The following PI4K2B variants were observed in gnomAD, a reference collection of about 807,000 sequenced individuals.
PI4K2B encodes phosphatidylinositol 4-kinase type 2 beta.
Under a neutral mutation model 56.6 loss-of-function variants are expected in PI4K2B, and 46 were observed. The ratio of observed to expected loss-of-function variants is 0.81; its 90% CI spans 0.64 to 1.04. PI4K2B has a LOEUF of 1.04. Among genes scored for constraint, PI4K2B ranks in the 50% least tolerant of loss-of-function variants. The pLI, the probability that PI4K2B is intolerant of heterozygous loss-of-function variation, is 0.00. For missense variants in PI4K2B, 556 were observed against 607.7 expected (o/e 0.91, Z 0.89); for synonymous variants, 211 against 223.8 (o/e 0.94, Z 0.51).
intron 1 of PI4K2B, among the ~76,000 whole-genome samples, chr4:25,236,420 G>A (rs902770794): frequency 2.0e-5 from 3 of 151,632 alleles, no homozygotes; most frequent in Non-Finnish European, 4.4e-5. Flanking sequence ...GCATGGTGGC[G>A]GGCGCCTGCA....
intron 1 of PI4K2B, among the ~76,000 whole-genome samples, chr4:25,239,014 A>G (rs1715395642): frequency 6.6e-6 from 1 of 152,144 alleles, no homozygotes; most frequent in East Asian, 1.9e-4. Context: ...GCTAGACACA[A>G]AAGTTCTCCA....
At position 25,234,206 on chromosome 4, in the gene PI4K2B, G is replaced by A; in HGVS notation, c.43G>A (p.Gly15Ser). 7.1e-7 allele frequency: 1 copy of A among 1,406,840 alleles called. No individual in the cohort carries two copies. Among genetic ancestry groups the A allele is most frequent in the Non-Finnish European group, 9.3e-7 (1 of 1,079,678 alleles). The allele number at this position is 1,406,840 out of a possible 1,614,324, so 87.1% of individuals were successfully genotyped here. The change falls in exon 1 of 10, where the codon GGC becomes AGC. Residue 15 changes from glycine to serine, a missense_variant. By Grantham distance (56) the Gly-to-Ser change is moderately conservative. Transcript: ENST00000264864. ...SEPDRLASADGGSPEEEEDGE... is the reference protein window; with the variant it reads ...SEPDRLASADSGSPEEEEDGE... The stretch of plus-strand genomic sequence containing the variant: ...GCCCGACCGGTTGGCGTCCGCGGAC[G>A]GCGGGAGCCCGGAGGAGGAGGAGGA...
chr4:25,272,862 C>A (rs1331676512), intron 9 of PI4K2B, among the ~76,000 whole-genome samples: 3 of 148,604 alleles, frequency 2.0e-5, no homozygotes, highest in African/African-American at 7.5e-5. Context: ...GACCTTGTCT[C>A]TAAAAAAAAA....
intron 1 of PI4K2B, among the ~76,000 whole-genome samples, chr4:25,242,025 G>C (rs560764145): frequency 6.6e-6 from 1 of 152,148 alleles, no homozygotes; most frequent in East Asian, 1.9e-4. Context: ...AGCAAAAGCC[G>C]GTAATTCCAA....
chr4:25,244,181 T>A (rs888720641), intron 1 of PI4K2B, among the ~76,000 whole-genome samples: 2 of 152,152 alleles, frequency 1.3e-5, no homozygotes, highest in East Asian at 3.8e-4. Context: ...TGTACCCAGG[T>A]TGGGCCAAAT....
At chr4:25,246,724 G>T (rs966023364) in intron 1 of PI4K2B, among the ~76,000 whole-genome samples, 2 of 152,250 alleles carry the variant, frequency 1.3e-5, no homozygotes, top group African/African-American at 4.8e-5. Flanking sequence ...ACGGCGGCGG[G>T]GGGAGGCTCA....
intron 2 of PI4K2B, 142 bp from the exon 3 acceptor site, chr4:25,254,923 T>A: frequency 1.6e-6 from 1 of 618,642 alleles, no homozygotes; most frequent in South Asian, 2.0e-5. Flanking sequence ...TAGTTGAGGT[T>A]TATAAATCCT....
At position 25,259,718 on chromosome 4, in the gene PI4K2B, A is replaced by C. The variant is rs1175328289; in HGVS notation, c.910+528A>C. The stretch of plus-strand genomic sequence containing the variant: ...GATGAGCTTAAAAAAAAAAAGTATA[A>C]AAAAAAAATCTCATAATGTTTCAAG... On this transcript the variant is annotated intron_variant, in intron 5 of 9. Coordinates refer to ENST00000264864, the MANE Select transcript of PI4K2B (RefSeq NM_018323.4). Among the ~76,000 whole-genome samples the C allele has an allele frequency of 2.8e-4, 43 of 151,466 alleles. 1 individual carries two copies. The highest frequency in any genetic ancestry group is 5.9e-5 in the Non-Finnish European group (4 of 67,830).
At chr4:25,268,249 T>C (rs2109023211) in intron 7 of PI4K2B, among the ~76,000 whole-genome samples, 194 bp from the exon 8 acceptor site, 1 of 152,318 alleles carries the variant, frequency 6.6e-6, no homozygotes, top group East Asian at 1.9e-4. Context: ...CTCAGAGACA[T>C]TACTAGTTTA....
At position 25,259,044 on chromosome 4, in the gene PI4K2B, C is replaced by T; in HGVS notation, c.764C>T (p.Ser255Phe). 1 of 1,529,302 alleles carries T rather than the reference C, an allele frequency of 6.5e-7. No individual in the cohort carries two copies. The allele number at this position is 1,529,302 out of a possible 1,614,324, so 94.7% of individuals were successfully genotyped here. A position where few individuals can be genotyped will look rare whatever the true frequency, so the allele number is the denominator to read the frequency against. Residue 255 changes from serine (S) to phenylalanine (F), a missense_variant, in exon 5 of 10, where the codon TCC becomes TTC. Transcript: ENST00000264864. ...HRIGLPPKIGSFQLFVEGYKE... is the reference protein window; with the variant it reads ...HRIGLPPKIGFFQLFVEGYKE... ...TAGTTCTTAAAATTATAGATTGGTT[C>T]CTTTCAGTTATTTGTTGAAGGTTAC...
At chr4:25,247,062 C>G (rs1036112127) in intron 1 of PI4K2B, among the ~76,000 whole-genome samples, 1 of 152,266 alleles carries the variant, frequency 6.6e-6, no homozygotes. Context: ...AAGGGGCTCC[C>G]CCAGTGCAGT....
intron 1 of PI4K2B, among the ~76,000 whole-genome samples, chr4:25,240,671 G>T (rs1026967791): frequency 3.3e-5 from 5 of 152,156 alleles, no homozygotes; most frequent in Non-Finnish European, 5.9e-5. Flanking sequence ...CCTTGGCTGG[G>T]TAGACAGAAA....
intron 1 of PI4K2B, among the ~76,000 whole-genome samples, chr4:25,237,712 C>G (rs1715326125): frequency 6.6e-6 from 1 of 152,140 alleles, no homozygotes; most frequent in African/African-American, 2.4e-5. Flanking sequence ...GTGGCTTACG[C>G]CTGTAATCCT....
Position 25,252,486 on chromosome 4 carries a change from C to G in PI4K2B, c.423+11C>G, listed in dbSNP as rs777965395. 6 of 1,547,942 alleles carry G rather than the reference C, an allele frequency of 3.9e-6. No homozygotes were observed. In the African/African-American group the frequency reaches 8.2e-5, roughly 21 times the overall value. ...AAGGATCCTAAGAGGGTGAGAATTT[C>G]ACAGACCTATTATATGTAATGGAAA... On this transcript the variant is annotated intron_variant, in intron 2 of 9. Transcript: ENST00000264864.
intron 1 of PI4K2B, among the ~76,000 whole-genome samples, chr4:25,240,128 A>C (rs1247015237): frequency 6.6e-6 from 1 of 152,202 alleles, no homozygotes; most frequent in African/African-American, 2.4e-5. Flanking sequence ...TAGAAAGGGG[A>C]GAAGTCATGT....
chr4:25,265,314 C>T, intron 7 of PI4K2B, among the ~76,000 whole-genome samples: 1 of 150,478 alleles, frequency 6.6e-6, no homozygotes, highest in East Asian at 1.9e-4. Flanking sequence ...TATTGTTAAG[C>T]ATCGGTCCTT....
chr4:25,277,959 C>T lies in PI4K2B; in HGVS notation c.*772C>T, dbSNP rs1717165806. 6.6e-6 allele frequency: 1 copy of T among 152,076 alleles called. No homozygotes were observed. The highest frequency in any genetic ancestry group is 1.5e-5 in the Non-Finnish European group (1 of 67,996). The allele number at this position is 152,076 out of a possible 1,614,324, so 9.4% of individuals were successfully genotyped here. On this transcript the variant is annotated 3_prime_UTR_variant, in exon 10 of 10. Coordinates refer to ENST00000264864, the MANE Select transcript of PI4K2B (RefSeq NM_018323.4). The stretch of plus-strand genomic sequence containing the variant: ...TCTGTTTCTTACATGGGATCAAATA[C>T]TTGAGATTAGTACTTCAGAGTACTG...
At chr4:25,269,830 C>T (rs962913796) in intron 9 of PI4K2B, among the ~76,000 whole-genome samples, 11 of 151,732 alleles carry the variant, frequency 7.2e-5, no homozygotes, top group African/African-American at 2.7e-4. Context: ...TCTCCTGCCT[C>T]AGCCTCCCGA....
At chr4:25,260,034 C>G (rs984415819) in intron 5 of PI4K2B, among the ~76,000 whole-genome samples, 2 of 152,130 alleles carry the variant, frequency 1.3e-5, no homozygotes, top group Non-Finnish European at 2.9e-5. Context: ...ACCACTGGTT[C>G]AAAATGTTTT....
Sources: allele counts gnomAD v4.1 joint callset (sites outside exome capture counted in the v4.1 genomes callset), GRCh38; gene constraint gnomAD v4.1.1; transcripts MANE v1.5; gene names NCBI Gene and HGNC (gene_info 2026-07-23, HGNC 2026-07-21).